CTNNA3: variants seen among roughly 807,000 people sequenced by gnomAD.
CTNNA3 encodes catenin alpha-3.
In CTNNA3, 76 loss-of-function variants were observed where a neutral mutation model predicts 95.7. That is an observed-to-expected ratio of 0.79 (90% CI 0.66 to 0.96). The LOEUF (loss-of-function observed/expected upper bound fraction) is 0.96. Ranked by LOEUF, CTNNA3 falls within the 40% of genes least tolerant of loss-of-function variation. The probability of loss-of-function intolerance (pLI) is 0.00; values close to 1 mark genes in which losing one functional copy is unlikely to be tolerated. For synonymous variants in CTNNA3, 431 were observed against 374.4 expected, an observed-to-expected ratio of 1.15 and a Z score of -1.74; for missense variants, 1,191 against 1,089.8, an observed-to-expected ratio of 1.09 and a Z score of -1.31.
At chr10:67,154,991 C>T (rs1861241769) in intron 7 of CTNNA3, among the ~76,000 whole-genome samples, 1 of 152,102 alleles carries the variant, frequency 6.6e-6, no homozygotes, top group African/African-American at 2.4e-5. Flanking sequence ...TTTTCTACAT[C>T]ACCTCTTTCC....
chr10:66,739,656 TCTAATAGAA>T (rs1407134230), intron 9 of CTNNA3, among the ~76,000 whole-genome samples: 1 of 152,208 alleles, frequency 6.6e-6, no homozygotes, highest in African/African-American at 2.4e-5. Flanking sequence ...TGTTTCATTG[TCTAATAGAA>T]CCATTAAAGG....
intron 14 of CTNNA3, among the ~76,000 whole-genome samples, chr10:66,074,470 C>T (rs143523511): frequency 2.6e-5 from 4 of 151,810 alleles, no homozygotes; most frequent in African/African-American, 9.7e-5. Flanking sequence ...ACACACTGTA[C>T]CCTCAAGCTA....
intron 10 of CTNNA3, among the ~76,000 whole-genome samples, chr10:66,544,030 T>C (rs1564523516): frequency 1.3e-5 from 2 of 148,764 alleles, no homozygotes; most frequent in Admixed American, 6.8e-5. Flanking sequence ...CCAGCTCCAT[T>C]AGTAATTTTA....
chr10:67,496,366 T>C (rs554298051), intron 5 of CTNNA3, among the ~76,000 whole-genome samples: 60 of 152,286 alleles, frequency 3.9e-4, no homozygotes, highest in African/African-American at 1.4e-3. Context: ...ATAAAGGACT[T>C]TCTGCCTTTA....
chr10:67,392,143 C>T (rs1844523095), intron 5 of CTNNA3, among the ~76,000 whole-genome samples: 1 of 152,134 alleles, frequency 6.6e-6, no homozygotes, highest in Non-Finnish European at 1.5e-5. Flanking sequence ...AGAAAATTTT[C>T]ACAACCTACT....
At chr10:66,684,644 T>C (rs928030799) in intron 9 of CTNNA3, among the ~76,000 whole-genome samples, 5 of 152,174 alleles carry the variant, frequency 3.3e-5, no homozygotes, top group Non-Finnish European at 7.4e-5. Context: ...GGAGAAGTGA[T>C]AAAACTCTGT....
chr10:67,082,698 T>A (rs913250940), intron 7 of CTNNA3, among the ~76,000 whole-genome samples: 18 of 152,158 alleles, frequency 1.2e-4, no homozygotes, highest in Admixed American at 1.2e-3. Flanking sequence ...CTCCTAAAGA[T>A]ACATCCTTTT....
At chr10:67,281,776 T>G (rs1053852586) in intron 5 of CTNNA3, among the ~76,000 whole-genome samples, 2 of 152,192 alleles carry the variant, frequency 1.3e-5, no homozygotes, top group African/African-American at 4.8e-5. Flanking sequence ...ACTTTAGTTC[T>G]GAATATAAAT....
intron 1 of CTNNA3, among the ~76,000 whole-genome samples, chr10:67,688,826 A>G (rs1840786078): frequency 6.6e-6 from 1 of 152,040 alleles, no homozygotes. Context: ...TGATGCAGCA[A>G]CAGAAACACC....
chr10:66,824,841 C>T (rs924663031), intron 7 of CTNNA3, among the ~76,000 whole-genome samples: 1 of 152,078 alleles, frequency 6.6e-6, no homozygotes, highest in Non-Finnish European at 1.5e-5. Context: ...GATCCTGGGA[C>T]AGAAAAGGGG....
chr10:66,842,521 G>C (rs1391603746), intron 7 of CTNNA3, among the ~76,000 whole-genome samples: 4 of 152,066 alleles, frequency 2.6e-5, no homozygotes, highest in African/African-American at 9.7e-5. Context: ...ATCTAAACTG[G>C]TCAGTGTGGT....
At chr10:66,393,724 G>T (rs1377772375) in intron 11 of CTNNA3, among the ~76,000 whole-genome samples, 1 of 151,912 alleles carries the variant, frequency 6.6e-6, no homozygotes, top group Non-Finnish European at 1.5e-5. Flanking sequence ...GCACTGTGTT[G>T]GGTAACATAT....
chr10:67,064,261 A>G (rs1319165924), intron 7 of CTNNA3, among the ~76,000 whole-genome samples: 1 of 152,064 alleles, frequency 6.6e-6, no homozygotes. Context: ...TGGGTTACTG[A>G]GTCTGCTGTG....
At chr10:66,054,054 G>A (rs7342039) in intron 15 of CTNNA3, among the ~76,000 whole-genome samples, 44,577 of 152,006 alleles carry the variant, frequency 0.29, 7,056 homozygotes, top group South Asian at 0.43. Context: ...GCAAATGACA[G>A]GATTTCATTC....
intron 1 of CTNNA3, among the ~76,000 whole-genome samples, chr10:67,716,828 T>A (rs1002575269): frequency 3.3e-5 from 5 of 152,186 alleles, no homozygotes; most frequent in African/African-American, 1.2e-4. Flanking sequence ...ATCCTTTAGG[T>A]ATATACCCAG....
At chr10:67,400,571 T>G (rs1388876307) in intron 5 of CTNNA3, among the ~76,000 whole-genome samples, 1 of 152,164 alleles carries the variant, frequency 6.6e-6, no homozygotes, top group Non-Finnish European at 1.5e-5. Flanking sequence ...TGTTTGGTAA[T>G]CAAAGGCTTA....
chr10:66,962,685 A>C (rs1043447043), intron 7 of CTNNA3, among the ~76,000 whole-genome samples: 2 of 152,062 alleles, frequency 1.3e-5, no homozygotes, highest in African/African-American at 2.4e-5. Context: ...TGCTGGGATT[A>C]CAGGCGTGAG....
intron 5 of CTNNA3, among the ~76,000 whole-genome samples, chr10:67,367,424 G>A (rs1427314581): frequency 6.6e-6 from 1 of 152,022 alleles, no homozygotes; most frequent in Non-Finnish European, 1.5e-5. Context: ...AACAGATGTT[G>A]GTGAAGGCTA....
chr10:66,308,885 T>C (rs1487039600), intron 12 of CTNNA3, among the ~76,000 whole-genome samples: 3 of 152,186 alleles, frequency 2.0e-5, no homozygotes, highest in African/African-American at 4.8e-5. Flanking sequence ...GGCTTCTTCT[T>C]AAATTGAAGT....
Sources: allele counts gnomAD v4.1 joint callset (sites outside exome capture counted in the v4.1 genomes callset), GRCh38; gene constraint gnomAD v4.1.1; transcripts MANE v1.5; gene names NCBI Gene and HGNC (gene_info 2026-07-23, HGNC 2026-07-21).